The following DPM1 variants were observed in gnomAD, a reference collection of about 807,000 sequenced individuals.
The protein encoded by DPM1 is dolichol-phosphate mannosyltransferase subunit 1.
Under a neutral mutation model 39.0 loss-of-function variants are expected in DPM1, and 27 were observed. The ratio of observed to expected loss-of-function variants is 0.69; its 90% CI spans 0.51 to 0.95. The LOEUF (loss-of-function observed/expected upper bound fraction) is 0.95, where lower values mean the gene tolerates loss of function less well. Ranked by LOEUF, DPM1 falls within the 40% of genes least tolerant of loss-of-function variation. DPM1 has a pLI of 0.00. For missense variants in DPM1, 307 were observed against 315.6 expected (o/e 0.97, Z 0.21); for synonymous variants, 124 against 109.0 (o/e 1.14, Z -0.86).
intron 7 of DPM1, among the ~76,000 whole-genome samples, chr20:50,939,920 C>G (rs944093756): frequency 2.0e-5 from 3 of 152,192 alleles, no homozygotes; most frequent in African/African-American, 7.2e-5. Flanking sequence ...CACCAGCCAA[C>G]GCCCATCCGC....
At chr20:50,948,527 AAG>A in intron 3 of DPM1, 100 bp downstream of exon 3, 1 of 1,057,706 alleles carries the variant, frequency 9.5e-7, no homozygotes, top group Non-Finnish European at 1.5e-6. Context: ...CCATCATAGG[AAG>A]TTACTGTATT....
intron 3 of DPM1, 35 bp from the exon 4 acceptor site, chr20:50,945,958 A>G (rs751452662): frequency 1.9e-6 from 3 of 1,564,892 alleles, no homozygotes; most frequent in African/African-American, 2.7e-5. Context: ...AAGAAAATCA[A>G]CAGAAATCTT....
Position 50,945,838 on chromosome 20 carries a change from AC to A in DPM1, c.372+8del, listed in dbSNP as rs1457396595. The A allele has an allele frequency of 6.2e-7, 1 of 1,613,144 alleles. No individual in the cohort carries two copies. The highest frequency in any genetic ancestry group is 1.3e-5 in the African/African-American group (1 of 75,028). ...CCATAAATAGCTAATAAAGAAACATACCACTTACATGGTGTGAGAGATCAGC... is the reference window on the plus strand; with the variant it reads ...CCATAAATAGCTAATAAAGAAACATACACTTACATGGTGTGAGAGATCAGC... On this transcript the variant is annotated splice_region_variant and intron_variant, in intron 4 of 8. Coordinates refer to ENST00000371588, the MANE Select transcript of DPM1 (RefSeq NM_003859.3).
chr20:50,944,930 G>A (rs1230310818), intron 5 of DPM1: 1 of 152,160 alleles, frequency 6.6e-6, no homozygotes, highest in Non-Finnish European at 1.5e-5. Flanking sequence ...TGTGGTATTT[G>A]TATTAGGACT....
At position 50,955,171 on chromosome 20, in the gene DPM1, G is replaced by A. The variant is rs1269870213; in HGVS notation, c.261+15C>T. Reference sequence around the variant, plus strand: ...ATCACAATTCATATCACAGAAAAATGTTCTTATAACTTACAATTCTGTCTG... The same window carrying A: ...ATCACAATTCATATCACAGAAAAATATTCTTATAACTTACAATTCTGTCTG... On this transcript the variant is annotated intron_variant, in intron 2 of 8. Coordinates refer to ENST00000371588, the MANE Select transcript of DPM1 (RefSeq NM_003859.3). 6.4e-7 allele frequency: 1 copy of A among 1,574,680 alleles called. No homozygotes were observed. The highest frequency in any genetic ancestry group is 8.7e-7 in the Non-Finnish European group (1 of 1,145,746).
intron 2 of DPM1, among the ~76,000 whole-genome samples, chr20:50,950,116 A>C (rs1039206673): frequency 1.3e-5 from 2 of 152,024 alleles, no homozygotes; most frequent in African/African-American, 4.8e-5. Context: ...ATCTTTTGTG[A>C]ATCTACTTTA....
At chr20:50,957,549 CA>C (rs1226089257) in intron 1 of DPM1, among the ~76,000 whole-genome samples, 2 of 151,998 alleles carry the variant, frequency 1.3e-5, no homozygotes, top group East Asian at 1.9e-4. Flanking sequence ...AAGCAAAAGC[CA>C]AAAAACAGAA....
At chr20:50,953,066 T>C (rs899309268) in intron 2 of DPM1, among the ~76,000 whole-genome samples, 3 of 152,202 alleles carry the variant, frequency 2.0e-5, no homozygotes, top group Non-Finnish European at 2.9e-5. Flanking sequence ...TCAATAAAGC[T>C]GGAAGAAAAT....
Position 50,958,510 on chromosome 20 carries a change from T to A in DPM1, c.14A>T (p.Glu5Val). 6.2e-7 allele frequency: 1 copy of A among 1,613,450 alleles called. No individual in the cohort carries two copies. The highest frequency in any genetic ancestry group is 8.5e-7 in the Non-Finnish European group (1 of 1,179,930). Residue 5 changes from glutamate to valine, a missense_variant, in exon 1 of 9, where the codon GAA (glutamate) becomes GTA (valine). Coordinates refer to ENST00000371588, the MANE Select transcript of DPM1 (RefSeq NM_003859.3). MASLEVSRSPRRSRR... is the reference protein window; with the variant it reads MASLVVSRSPRRSRR... ...AGACCTGCGAGGACTACGACTGACT[T>A]CCAAGGAGGCCATGGCGGAACTGAG...
At chr20:50,946,026 T>G in intron 3 of DPM1, 103 bp from the exon 4 acceptor site, 4 of 949,462 alleles carry the variant, frequency 4.2e-6, no homozygotes, top group Non-Finnish European at 6.7e-6. Flanking sequence ...ACACATTAGT[T>G]CTCTAAAAGT....
rs1986358080 is a variant in DPM1 at position 50,947,514 on chromosome 20, T to G, written c.295+1115A>C. Among the ~76,000 whole-genome samples the G allele has an allele frequency of 2.0e-5, 3 of 152,258 alleles. No individual in the cohort carries two copies. In the South Asian group the frequency reaches 6.2e-4, roughly 32 times the overall value. On this transcript the variant is annotated intron_variant, in intron 3 of 8. Transcript: ENST00000371588. ...GGTCTTCAAGATAGCAGACTCCAGT[T>G]AAGCATTGTGCTTTCTTCATGTTAA...
intron 8 of DPM1, among the ~76,000 whole-genome samples, chr20:50,935,647 T>C (rs1269622103): frequency 1.3e-5 from 2 of 152,202 alleles, no homozygotes; most frequent in Non-Finnish European, 2.9e-5. Flanking sequence ...TGACATTCCA[T>C]AGCTATTTTC....
intron 2 of DPM1, among the ~76,000 whole-genome samples, chr20:50,950,934 C>G (rs1001164477): frequency 1.3e-5 from 2 of 152,190 alleles, no homozygotes; most frequent in Non-Finnish European, 2.9e-5. Flanking sequence ...CCCTTAACCC[C>G]AAGTGATACT....
chr20:50,957,012 A>C (rs1237651024), intron 1 of DPM1, among the ~76,000 whole-genome samples: 1 of 152,240 alleles, frequency 6.6e-6, no homozygotes, highest in Non-Finnish European at 1.5e-5. Flanking sequence ...TAAAAAAATT[A>C]AAACAGCAAA....
At position 50,958,518 on chromosome 20, in the gene DPM1, G is replaced by C. The variant is rs777410586; in HGVS notation, c.6C>G (p.Ala2=). ...GAGGACTACGACTGACTTCCAAGGA[G>C]GCCATGGCGGAACTGAGCCAGATGC... is the stretch of plus-strand genomic sequence containing the variant. M[A]SLEVSRSPRR... Residue 2 remains alanine (A), a synonymous_variant, in exon 1 of 9, where the codon GCC becomes GCG. Coordinates refer to ENST00000371588, the MANE Select transcript of DPM1 (RefSeq NM_003859.3). 3 of 1,613,518 alleles carry C rather than the reference G, an allele frequency of 1.9e-6. No homozygotes were observed. The highest frequency in any genetic ancestry group is 1.1e-5 in the South Asian group (1 of 91,070).
chr20:50,938,919 T>C (rs905134373), intron 7 of DPM1, among the ~76,000 whole-genome samples: 9 of 151,842 alleles, frequency 5.9e-5, no homozygotes, highest in African/African-American at 2.2e-4. Context: ...GCGGAGGTTG[T>C]GGTGAGCCAA....
At chr20:50,948,160 C>T (rs1167432369) in intron 3 of DPM1, among the ~76,000 whole-genome samples, 2 of 152,148 alleles carry the variant, frequency 1.3e-5, no homozygotes, top group South Asian at 2.1e-4. Flanking sequence ...GTGGTCCTCC[C>T]TCTGTTACTC....
intron 7 of DPM1, among the ~76,000 whole-genome samples, chr20:50,939,974 G>T (rs1351519129): frequency 6.6e-6 from 1 of 152,150 alleles, no homozygotes; most frequent in Non-Finnish European, 1.5e-5. Flanking sequence ...TTTAGCCTTA[G>T]GGTATAGCCT....
rs1405268597 is a variant in DPM1, at chr20:50,941,360, CATATATATTCATATTATATATATTCAT to C, written c.495-454_495-428del. On this transcript the variant is annotated intron_variant, in intron 6 of 8. Coordinates refer to ENST00000371588, the MANE Select transcript of DPM1 (RefSeq NM_003859.3). ...TATTCGTATTATATATATTCATATA[CATATATATTCATATTATATATATTCAT>C]ATATATATTCATATTATATATATAT... Among the ~76,000 whole-genome samples the C allele has an allele frequency of 2.6e-5, 3 of 116,014 alleles. No individual in the cohort carries two copies. In the South Asian group the frequency reaches 7.4e-4, roughly 29 times the overall value. The allele number at this position is 116,014 out of a possible 152,430, so 76.1% of individuals were successfully genotyped here.
Sources: gnomAD v4.1 joint callset for allele counts (sites outside exome capture counted in the v4.1 genomes callset) on GRCh38, gnomAD v4.1.1 for gene constraint, MANE v1.5 for transcripts, NCBI Gene and HGNC (gene_info 2026-07-23, HGNC 2026-07-21) for gene names.